Variants in CEP128 observed in about 807,000 individuals in gnomAD.
CEP128 encodes centrosomal protein 128.
A neutral mutation model predicts 156.7 loss-of-function variants in CEP128; 132 were observed. That is an observed-to-expected ratio of 0.84 (90% confidence interval 0.73 to 0.97). The LOEUF (loss-of-function observed/expected upper bound fraction) is 0.97. Ranked by LOEUF, CEP128 falls within the 50% of genes least tolerant of loss-of-function variation. The pLI, the probability that CEP128 is intolerant of heterozygous loss-of-function variation, is 0.00. For missense variants in CEP128, 1,252 were observed against 1,281.9 expected, an observed-to-expected ratio of 0.98 and a Z score of 0.36; for synonymous variants, 469 against 448.9, an observed-to-expected ratio of 1.04 and a Z score of -0.57.
At chr14:80,550,665 T>C (rs186327150) in intron 21 of CEP128, among the ~76,000 whole-genome samples, 5 of 151,872 alleles carry the variant, frequency 3.3e-5, no homozygotes, top group Admixed American at 6.6e-5. Flanking sequence ...TGTAATAATG[T>C]ATATATATGA....
At chr14:80,611,232 C>A in intron 19 of CEP128, among the ~76,000 whole-genome samples, 1 of 149,334 alleles carries the variant, frequency 6.7e-6, no homozygotes, top group African/African-American at 2.5e-5. Context: ...CTTTATTAAA[C>A]ATTCAAAGAC....
At chr14:80,810,338 A>AAAAAAAAAAAG in intron 13 of CEP128, among the ~76,000 whole-genome samples, 1 of 148,430 alleles carries the variant, frequency 6.7e-6, no homozygotes, top group Non-Finnish European at 1.5e-5. Context: ...AAAAAAAAAA[A>AAAAAAAAAAAG]AAAAAAAAAA....
chr14:80,625,769 T>C (rs1000189156), intron 19 of CEP128, among the ~76,000 whole-genome samples: 2 of 151,714 alleles, frequency 1.3e-5, no homozygotes, highest in African/African-American at 4.8e-5. Flanking sequence ...TCTTTCCCTC[T>C]CCTTCCTCTC....
At chr14:80,724,050 A>G (rs1897922310) in intron 19 of CEP128, among the ~76,000 whole-genome samples, 2 of 152,200 alleles carry the variant, frequency 1.3e-5, no homozygotes, top group African/African-American at 4.8e-5. Context: ...ATTGAGTACC[A>G]TAACAAACCA....
intron 19 of CEP128, among the ~76,000 whole-genome samples, chr14:80,613,076 G>A (rs1175515037): frequency 1.4e-5 from 2 of 140,980 alleles, no homozygotes; most frequent in African/African-American, 5.3e-5. Context: ...GGCTGCTCTC[G>A]AACTCCTGAG....
chr14:80,563,524 C>CTTTTTTT lies in CEP128; in HGVS notation c.2857-4229_2857-4223dup, dbSNP rs540593415. On this transcript the variant is annotated intron_variant, in intron 20 of 24. Coordinates refer to ENST00000555265, the MANE Select transcript of CEP128 (RefSeq NM_152446.5). ...GAAGCCTACCCATGGGCCTCCAAATCTTTTTTTTTTTTTTTTTTTTTTTTT... is the reference window on the plus strand; with the variant it reads ...GAAGCCTACCCATGGGCCTCCAAATCTTTTTTTTTTTTTTTTTTTTTTTTTTTTTTTT... Among the ~76,000 whole-genome samples the CTTTTTTT allele has an allele frequency of 6.6e-4, 52 of 78,878 alleles. 7 individuals are homozygous for CTTTTTTT. The highest frequency in any genetic ancestry group is 2.8e-3 in the South Asian group (5 of 1,810). 51.7% of individuals were successfully genotyped at this position (78,878 alleles called of 152,430 possible).
At chr14:80,892,980 T>C (rs1889173828) in intron 8 of CEP128, among the ~76,000 whole-genome samples, 1 of 151,954 alleles carries the variant, frequency 6.6e-6, no homozygotes, top group Non-Finnish European at 1.5e-5. Flanking sequence ...GCTGAGCATA[T>C]ACCCAAAGGA....
chr14:80,592,296 C>T (rs1184080094), intron 19 of CEP128, among the ~76,000 whole-genome samples: 1 of 152,018 alleles, frequency 6.6e-6, no homozygotes, highest in African/African-American at 2.4e-5. Flanking sequence ...ATCAAATAGA[C>T]ACAATAAAAA....
At chr14:80,546,192 T>C (rs866980523) in intron 21 of CEP128, among the ~76,000 whole-genome samples, 2 of 152,170 alleles carry the variant, frequency 1.3e-5, no homozygotes, top group Non-Finnish European at 1.5e-5. Flanking sequence ...GGATGATTAT[T>C]TTTAAAATTT....
intron 19 of CEP128, among the ~76,000 whole-genome samples, chr14:80,638,633 TC>T (rs1418401181): frequency 6.6e-6 from 1 of 152,222 alleles, no homozygotes. Flanking sequence ...ATATACGATG[TC>T]TTTTACCCTT....
intron 3 of CEP128, among the ~76,000 whole-genome samples, chr14:80,915,542 T>C (rs1471570351): frequency 1.3e-5 from 2 of 152,208 alleles, no homozygotes; most frequent in Non-Finnish European, 2.9e-5. Context: ...CCTATAGCTG[T>C]GTTACACTTA....
intron 20 of CEP128, among the ~76,000 whole-genome samples, chr14:80,570,942 A>G (rs1325507113): frequency 6.6e-6 from 1 of 152,172 alleles, no homozygotes; most frequent in African/African-American, 2.4e-5. Flanking sequence ...AATTATTTGT[A>G]TACATTTTTA....
chr14:80,897,724 G>A (rs1022279541), intron 7 of CEP128, among the ~76,000 whole-genome samples: 1 of 152,058 alleles, frequency 6.6e-6, no homozygotes, highest in Non-Finnish European at 1.5e-5. Context: ...CCTGGGTCAG[G>A]CCATCATCAA....
At chr14:80,617,429 G>A (rs1017891072) in intron 19 of CEP128, among the ~76,000 whole-genome samples, 8 of 151,634 alleles carry the variant, frequency 5.3e-5, no homozygotes, top group Admixed American at 1.3e-4. Context: ...TAGAGACGGG[G>A]TTTCACCATC....
In CEP128 at chr14:80,792,846, G is replaced by A; in HGVS notation, c.1474C>T (p.Gln492Ter). ...AACTTCTTATGCTTAAGCTTCCACT[G>A]CCTAATGGATTCTTGAGCTTTCAGT... is the stretch of plus-strand genomic sequence containing the variant. ...LKLKAQESIRQWKLKHKKLER... is the reference protein window; with the variant it reads ...LKLKAQESIR Residue 492 changes from glutamine (Q) to a stop codon, truncating the protein, a stop_gained, in exon 14 of 25, where the codon CAG becomes TAG. Transcript: ENST00000555265. LOFTEE classifies it high-confidence loss of function. 1.2e-6 allele frequency: 2 copies of A among 1,614,114 alleles called. No homozygotes were observed. The highest frequency in any genetic ancestry group is 1.7e-6 in the Non-Finnish European group (2 of 1,180,010).
At chr14:80,540,170 A>G (rs1889678941) in intron 21 of CEP128, among the ~76,000 whole-genome samples, 2 of 148,588 alleles carry the variant, frequency 1.3e-5, no homozygotes, top group African/African-American at 5.0e-5. Context: ...GAAGCATGTG[A>G]TCTTTGTACC....
At chr14:80,729,917 A>G (rs1898200491) in intron 19 of CEP128, among the ~76,000 whole-genome samples, 1 of 152,172 alleles carries the variant, frequency 6.6e-6, no homozygotes, top group Non-Finnish European at 1.5e-5. Context: ...TACTGCAGCC[A>G]TTTTCTTTTC....
intron 19 of CEP128, among the ~76,000 whole-genome samples, chr14:80,657,243 C>G (rs1233724941): frequency 6.7e-6 from 1 of 150,354 alleles, no homozygotes; most frequent in East Asian, 2.0e-4. Flanking sequence ...GGCAATAGAG[C>G]CAGACTCTAT....
intron 18 of CEP128, among the ~76,000 whole-genome samples, chr14:80,754,071 C>T (rs1899520634): frequency 6.6e-6 from 1 of 152,194 alleles, no homozygotes. Context: ...GCATGCCATT[C>T]TCCTGTTCAA....
Sources: allele counts gnomAD v4.1 joint callset (sites outside exome capture counted in the v4.1 genomes callset), GRCh38; gene constraint gnomAD v4.1.1; transcripts MANE v1.5; gene names NCBI Gene and HGNC (gene_info 2026-07-23, HGNC 2026-07-21).